GPCPD1: variants seen among roughly 807,000 people sequenced by gnomAD.
The protein encoded by GPCPD1 is glycerophosphocholine phosphodiesterase GPCPD1.
A neutral mutation model predicts 89.2 loss-of-function variants in GPCPD1; 29 were observed. The observed-to-expected ratio is 0.33, with a 90% CI of 0.24 to 0.44. The LOEUF (loss-of-function observed/expected upper bound fraction) is 0.44, where lower values mean the gene tolerates loss of function less well. Ranked by LOEUF, GPCPD1 falls within the 20% of genes least tolerant of loss-of-function variation. The pLI is 1.00. For synonymous variants in GPCPD1, 258 were observed against 266.3 expected (o/e 0.97, Z 0.30); for missense variants, 594 against 808.9 (o/e 0.73, Z 3.22).
chr20:5,597,106 T>C (rs139010348), intron 3 of GPCPD1, among the ~76,000 whole-genome samples: 22 of 152,272 alleles, frequency 1.4e-4, no homozygotes, highest in African/African-American at 5.3e-4. Flanking sequence ...AATACTAGTC[T>C]GTGAAAGACT....
chr20:5,573,374 C>T (rs1568657219), intron 11 of GPCPD1, among the ~76,000 whole-genome samples: 1 of 152,220 alleles, frequency 6.6e-6, no homozygotes, highest in East Asian at 1.9e-4. Context: ...GCATCAGCCA[C>T]TGTGCCCAGC....
intron 15 of GPCPD1, among the ~76,000 whole-genome samples, chr20:5,564,244 A>T (rs1986246782): frequency 6.6e-6 from 1 of 151,968 alleles, no homozygotes; most frequent in South Asian, 2.1e-4. Flanking sequence ...TTTCAATATC[A>T]TCTTAAGTAA....
In GPCPD1 at chr20:5,586,268, G is replaced by C. The variant is rs962601398; in HGVS notation, c.233C>G (p.Thr78Ser). The change falls in exon 5 of 20, where the codon ACT becomes AGT. Residue 78 changes from threonine to serine, a missense_variant and splice_region_variant. Thr to Ser is a moderately conservative substitution (Grantham distance 58). Transcript: ENST00000379019. ...TATCACTTGACATGGACCACCGATA[G>C]TCTGCAATTTAAAAGTTAAACGTCT... The part of the protein sequence containing the change: ...YFKGYFLEPK[T>S]IGGPCQVIVH... The C allele has an allele frequency of 1.9e-6, 3 of 1,564,812 alleles. No individual in the cohort carries two copies. The highest frequency in any genetic ancestry group is 1.7e-4 in the Middle Eastern group (1 of 5,978).
intron 6 of GPCPD1, among the ~76,000 whole-genome samples, chr20:5,580,645 G>A (rs1426989670): frequency 1.3e-5 from 2 of 149,110 alleles, no homozygotes; most frequent in Non-Finnish European, 3.0e-5. Context: ...AGAATGGCGT[G>A]AACCCAGGAG....
intron 2 of GPCPD1, among the ~76,000 whole-genome samples, chr20:5,601,106 G>C (rs889194890): frequency 2.0e-5 from 3 of 151,552 alleles, no homozygotes; most frequent in African/African-American, 7.3e-5. Flanking sequence ...CTTAAACCTG[G>C]GGGGAGGTAG....
chr20:5,607,941 G>A (rs1301620804), intron 1 of GPCPD1, among the ~76,000 whole-genome samples: 1 of 152,056 alleles, frequency 6.6e-6, no homozygotes, highest in African/African-American at 2.4e-5. Context: ...ACCAAATAAG[G>A]TGCCCTTTCA....
intron 19 of GPCPD1, among the ~76,000 whole-genome samples, chr20:5,555,733 G>A (rs1318234885): frequency 3.3e-5 from 5 of 151,702 alleles, no homozygotes; most frequent in Non-Finnish European, 5.9e-5. Context: ...GCAGGCGTGC[G>A]CCTGTAATCC....
chr20:5,555,674 G>A (rs1421790787), intron 19 of GPCPD1, among the ~76,000 whole-genome samples: 3 of 152,158 alleles, frequency 2.0e-5, no homozygotes, highest in African/African-American at 7.2e-5. Flanking sequence ...TGGCCAACAT[G>A]GCAAAACCTC....
chr20:5,550,381 A>C (rs1985337348), intron 19 of GPCPD1, among the ~76,000 whole-genome samples: 1 of 152,100 alleles, frequency 6.6e-6, no homozygotes, highest in Non-Finnish European at 1.5e-5. Context: ...ATAAAGAAAA[A>C]AATCAAGAAA....
intron 12 of GPCPD1, among the ~76,000 whole-genome samples, chr20:5,568,236 ATATATATATACTTAG>A (rs1250583526): frequency 6.7e-6 from 1 of 148,874 alleles, no homozygotes; most frequent in Non-Finnish European, 1.5e-5. Flanking sequence ...CTTAGTATAT[ATATATATATACTTAG>A]TATATATATA....
In GPCPD1 at chr20:5,606,011, A is replaced by T. The variant is rs573353617; in HGVS notation, c.-28-1571T>A. ...ATAGTAAAAGGAATTTAAGGAGATT[A>T]AAAAAAGAATAAGAAAGAAGTCTAA... On this transcript the variant is annotated intron_variant, in intron 1 of 19. Transcript: ENST00000379019. 2.4e-4 allele frequency among the ~76,000 whole-genome samples: 37 copies of T among 152,280 alleles called. 1 individual carries two copies. In the South Asian group the frequency reaches 6.2e-3, roughly 26 times the overall value.
chr20:5,605,719 G>C (rs909987779), intron 1 of GPCPD1, among the ~76,000 whole-genome samples: 1 of 151,968 alleles, frequency 6.6e-6, no homozygotes, highest in Non-Finnish European at 1.5e-5. Flanking sequence ...TGGAGGTTGA[G>C]GTGAGCCCCC....
intron 12 of GPCPD1, 140 bp downstream of exon 12, chr20:5,570,007 G>A: frequency 1.9e-6 from 1 of 528,542 alleles, no homozygotes. Context: ...GAGCATGAGA[G>A]GGAAGGACTG....
intron 13 of GPCPD1, among the ~76,000 whole-genome samples, chr20:5,567,174 G>A (rs1430211119): frequency 6.6e-6 from 1 of 152,136 alleles, no homozygotes; most frequent in Non-Finnish European, 1.5e-5. Context: ...ATGAAGAAGG[G>A]CTACTGCAGA....
chr20:5,551,702 C>T (rs1038311058), intron 19 of GPCPD1, among the ~76,000 whole-genome samples: 23 of 152,082 alleles, frequency 1.5e-4, no homozygotes, highest in Non-Finnish European at 1.9e-4. Context: ...ATCACTTGAA[C>T]CCAGGTTGCA....
chr20:5,569,502 C>T (rs1045514255), intron 12 of GPCPD1, among the ~76,000 whole-genome samples: 3 of 151,526 alleles, frequency 2.0e-5, no homozygotes, highest in Non-Finnish European at 2.9e-5. Context: ...TTCTGGATCC[C>T]CCCCCGCCAT....
chr20:5,600,143 C>T (rs73075609), intron 2 of GPCPD1, among the ~76,000 whole-genome samples: 2,039 of 152,350 alleles, frequency 0.013, 14 homozygotes, highest in Non-Finnish European at 0.023. Context: ...TGAGGCACTG[C>T]TCTAGTAAGA....
At chr20:5,575,614 T>C in intron 9 of GPCPD1, 69 bp from the exon 10 acceptor site, 1 of 1,071,120 alleles carries the variant, frequency 9.3e-7, no homozygotes, top group South Asian at 1.5e-5. Flanking sequence ...AGCTACATTA[T>C]ATTTAAATAC....
intron 19 of GPCPD1, among the ~76,000 whole-genome samples, chr20:5,552,172 A>T (rs781145631): frequency 1.4e-4 from 15 of 110,004 alleles, no homozygotes; most frequent in South Asian, 3.2e-4. Flanking sequence ...GAATAAAATT[A>T]AAAAAAAATG....
Sources: allele counts gnomAD v4.1 joint callset (sites outside exome capture counted in the v4.1 genomes callset), GRCh38; gene constraint gnomAD v4.1.1; transcripts MANE v1.5; gene names NCBI Gene and HGNC (gene_info 2026-07-23, HGNC 2026-07-21).